L3MBTL3: variants seen among roughly 807,000 people sequenced by gnomAD.
The protein encoded by L3MBTL3 is L3MBTL histone methyl-lysine binding protein 3.
Under a neutral mutation model 102.3 loss-of-function variants are expected in L3MBTL3, and 27 were observed. The observed-to-expected ratio is 0.26, with a 90% CI of 0.19 to 0.36. The LOEUF is 0.36. Ranked by LOEUF, L3MBTL3 falls within the 10% of genes least tolerant of loss-of-function variation. The pLI is 1.00. For missense variants in L3MBTL3, 798 were observed against 955.3 expected (o/e 0.84, Z 2.17); for synonymous variants, 340 against 320.9 (o/e 1.06, Z -0.64).
chr6:130,092,788 A>G lies in L3MBTL3; in HGVS notation c.1562A>G (p.Asp521Gly). ...GWNNCYDYWI[D>G]ADSPDIHPVG... ...AACAATTGCTATGATTACTGGATAG[A>G]TGCAGATTCTCCTGATATTCACCCT... The change falls in exon 17 of 23, where the codon GAT (aspartate) becomes GGT (glycine). Residue 521 changes from aspartate (D) to glycine (G), a missense_variant. Transcript: ENST00000361794. 1 of 1,613,422 alleles carries G rather than the reference A, an allele frequency of 6.2e-7. No individual in the cohort carries two copies. The highest frequency in any genetic ancestry group is 1.1e-5 in the South Asian group (1 of 91,058).
chr6:130,135,343 C>T (rs1448366466), intron 22 of L3MBTL3, among the ~76,000 whole-genome samples: 6 of 152,110 alleles, frequency 3.9e-5, no homozygotes, highest in Non-Finnish European at 7.4e-5. Context: ...AGATTACAGA[C>T]GTGAGCCACC....
intron 16 of L3MBTL3, 126 bp from the exon 17 acceptor site, chr6:130,092,619 A>T: frequency 1.7e-6 from 1 of 578,528 alleles, no homozygotes; most frequent in Non-Finnish European, 3.1e-6. Context: ...GAATAATTGA[A>T]CTGATTTATT....
intron 8 of L3MBTL3, among the ~76,000 whole-genome samples, chr6:130,055,880 T>TCTTCC (rs1392331615): frequency 2.2e-4 from 34 of 151,256 alleles, no homozygotes; most frequent in Non-Finnish European, 3.8e-4. Flanking sequence ...TTCTGTCTTC[T>TCTTCC]CTTCCCTTCC....
At chr6:130,106,101 T>C (rs145301269) in intron 19 of L3MBTL3, among the ~76,000 whole-genome samples, 1 of 152,038 alleles carries the variant, frequency 6.6e-6, no homozygotes, top group African/African-American at 2.4e-5. Flanking sequence ...TGCACATATT[T>C]CATGTCTAAA....
At chr6:130,019,156 GC>G (rs1045850822) in intron 1 of L3MBTL3, among the ~76,000 whole-genome samples, 2 of 151,212 alleles carry the variant, frequency 1.3e-5, no homozygotes, top group Non-Finnish European at 3.0e-5. Flanking sequence ...CCTCCCCCGC[GC>G]CCCCCGAGCT....
chr6:130,080,143 G>C (rs1229111945), intron 14 of L3MBTL3, among the ~76,000 whole-genome samples: 1 of 151,674 alleles, frequency 6.6e-6, no homozygotes, highest in South Asian at 2.1e-4. Context: ...AGTCCCTGCT[G>C]TCTGTGAGAC....
rs751948297 is a variant in L3MBTL3 at position 130,083,680 on chromosome 6, C to T, written c.1382C>T (p.Pro461Leu). ...TACTTAGAAGAAACCAATTCTTTAC[C>T]TGCTCCTGCAAGAGCTTTCAAAGTG... ...DKYLEETNSL[P>L]APARAFKVKP... Residue 461 changes from proline to leucine, a missense_variant, in exon 15 of 23, where the codon CCT (proline) becomes CTT (leucine). Physicochemically the swap from Pro to Leu is moderately conservative, Grantham distance 98. This residue lies in a region of L3MBTL3 where 306 missense variants were observed against 314.4 expected (regional missense o/e 0.97). Transcript: ENST00000361794. The T allele has an allele frequency of 6.5e-7, 1 of 1,545,510 alleles. No individual in the cohort carries two copies. The highest frequency in any genetic ancestry group is 8.7e-7 in the Non-Finnish European group (1 of 1,142,920).
At chr6:130,098,902 A>G (rs895422532) in intron 18 of L3MBTL3, among the ~76,000 whole-genome samples, 58 of 142,692 alleles carry the variant, frequency 4.1e-4, no homozygotes, top group African/African-American at 1.1e-3. Flanking sequence ...TTTTGTCAGG[A>G]CAGAGTGCGA....
intron 11 of L3MBTL3, among the ~76,000 whole-genome samples, chr6:130,067,242 T>G (rs1215641217): frequency 1.3e-5 from 2 of 152,106 alleles, no homozygotes; most frequent in African/African-American, 4.8e-5. Flanking sequence ...GCCTCCCGAA[T>G]AGCTGGGATT....
At chr6:130,035,380 G>A (rs767398175) in intron 2 of L3MBTL3, among the ~76,000 whole-genome samples, 16 of 152,206 alleles carry the variant, frequency 1.1e-4, no homozygotes, top group Non-Finnish European at 1.9e-4. Flanking sequence ...AATATCTCAA[G>A]GGAGAGTCAG....
intron 20 of L3MBTL3, among the ~76,000 whole-genome samples, chr6:130,121,799 G>T (rs1786230041): frequency 6.6e-6 from 1 of 152,080 alleles, no homozygotes; most frequent in African/African-American, 2.4e-5. Flanking sequence ...AAAATATATT[G>T]CTTTGGGAGG....
intron 14 of L3MBTL3, among the ~76,000 whole-genome samples, chr6:130,082,761 C>G (rs570598462): frequency 5.9e-5 from 9 of 152,164 alleles, no homozygotes; most frequent in Admixed American, 4.6e-4. Context: ...TGTTTCCAGG[C>G]CTTTAAGCTG....
chr6:130,096,359 C>A (rs2115270721), intron 18 of L3MBTL3, among the ~76,000 whole-genome samples: 1 of 152,354 alleles, frequency 6.6e-6, no homozygotes, highest in East Asian at 1.9e-4. Context: ...CTTTGGCACA[C>A]ATCCCTTTCT....
At chr6:130,113,576 A>G (rs1282437437) in intron 19 of L3MBTL3, among the ~76,000 whole-genome samples, 1 of 152,216 alleles carries the variant, frequency 6.6e-6, no homozygotes, top group Admixed American at 6.5e-5. Context: ...TGCCTGCCAA[A>G]TGCTTAGATT....
intron 12 of L3MBTL3, 51 bp from the exon 13 acceptor site, chr6:130,070,925 G>T (rs752746825): frequency 6.7e-7 from 1 of 1,500,422 alleles, no homozygotes; most frequent in East Asian, 2.4e-5. Flanking sequence ...TGCAGTTCTT[G>T]TGGTTGTCAA....
In L3MBTL3 at chr6:130,139,590, GT is replaced by G. The variant is rs769477253; in HGVS notation, c.2200-13del. The G allele has an allele frequency of 1.9e-5, 31 of 1,608,028 alleles. No homozygotes were observed. Among genetic ancestry groups the G allele is most frequent in the Middle Eastern group, 1.7e-4 (1 of 6,004 alleles). On this transcript the variant is annotated intron_variant, in intron 22 of 22. Transcript: ENST00000361794. ...GCATCTTGTTAATCCACATTCTGTTGTTTTTTTCCCCCATTTTAGCAAATTG... is the reference window on the plus strand; with the variant it reads ...GCATCTTGTTAATCCACATTCTGTTGTTTTTTCCCCCATTTTAGCAAATTG...
At chr6:130,089,436 T>C (rs1383747657) in intron 16 of L3MBTL3, among the ~76,000 whole-genome samples, 1 of 151,430 alleles carries the variant, frequency 6.6e-6, no homozygotes, top group Non-Finnish European at 1.5e-5. Context: ...ATGGTGTATA[T>C]GTGCCACATT....
intron 16 of L3MBTL3, among the ~76,000 whole-genome samples, chr6:130,091,941 T>C (rs959668635): frequency 6.6e-6 from 1 of 151,976 alleles, no homozygotes; most frequent in Non-Finnish European, 1.5e-5. Context: ...ATCTAGTATC[T>C]GGTAGCACAT....
At chr6:130,082,493 A>G (rs13196495) in intron 14 of L3MBTL3, among the ~76,000 whole-genome samples, 9,690 of 152,270 alleles carry the variant, frequency 0.064, 452 homozygotes, top group Non-Finnish European at 0.1. Context: ...CTAGCATTAT[A>G]TATCTTCATA....
Sources: gnomAD v4.1 joint callset for allele counts (sites outside exome capture counted in the v4.1 genomes callset) on GRCh38, gnomAD v4.1.1 for gene constraint, gnomAD v4.1.1 regional missense constraint, MANE v1.5 for transcripts, NCBI Gene and HGNC (gene_info 2026-07-23, HGNC 2026-07-21) for gene names.